ANTXR2: variants seen among roughly 807,000 people sequenced by gnomAD.
ANTXR2 encodes the protein anthrax toxin receptor 2.
ANTXR2 carries 44 observed loss-of-function variants against 73.7 expected under a neutral mutation model. That is an observed-to-expected ratio of 0.60 (90% CI 0.47 to 0.77). The LOEUF is 0.77. ANTXR2 is among the 30% of genes least tolerant of loss of function. The pLI, the probability that ANTXR2 is intolerant of heterozygous loss-of-function variation, is 0.00. For missense variants in ANTXR2, 604 were observed against 592.5 expected (o/e 1.02, Z -0.20); for synonymous variants, 217 against 205.9 (o/e 1.05, Z -0.46).
chr4:80,037,022 G>T (rs963791460), intron 7 of ANTXR2, among the ~76,000 whole-genome samples: 23 of 152,090 alleles, frequency 1.5e-4, no homozygotes, highest in African/African-American at 5.6e-4. Context: ...TTCTTAGCTT[G>T]TTCTGAGAAA....
intron 12 of ANTXR2, among the ~76,000 whole-genome samples, chr4:80,003,361 T>C (rs947675057): frequency 1.6e-5 from 2 of 126,354 alleles, no homozygotes; most frequent in African/African-American, 6.1e-5. Context: ...AATTGAACAA[T>C]GAGAACACAT....
At chr4:79,979,316 G>A (rs1041568100) in intron 14 of ANTXR2, among the ~76,000 whole-genome samples, 1 of 151,974 alleles carries the variant, frequency 6.6e-6, no homozygotes. Context: ...AAAAATGGGC[G>A]AGGTCAGAGG....
chr4:80,064,503 T>C (rs1456023009), intron 3 of ANTXR2, among the ~76,000 whole-genome samples: 1 of 152,150 alleles, frequency 6.6e-6, no homozygotes, highest in Non-Finnish European at 1.5e-5. Context: ...AAATGAGGAC[T>C]CCTGCTTTCA....
intron 10 of ANTXR2, among the ~76,000 whole-genome samples, chr4:80,023,051 C>T (rs1424812888): frequency 2.0e-5 from 3 of 152,254 alleles, no homozygotes; most frequent in Non-Finnish European, 2.9e-5. Flanking sequence ...TATCAAGGTA[C>T]TTTTTAATAA....
chr4:79,928,923 T>C (rs554318023), intron 16 of ANTXR2, among the ~76,000 whole-genome samples: 4 of 152,344 alleles, frequency 2.6e-5, no homozygotes, highest in African/African-American at 9.6e-5. Flanking sequence ...CTCAAAATTA[T>C]ATTTTAGAAA....
intron 16 of ANTXR2, among the ~76,000 whole-genome samples, chr4:79,922,866 A>G (rs1191101758): frequency 6.6e-6 from 1 of 152,126 alleles, no homozygotes; most frequent in African/African-American, 2.4e-5. Flanking sequence ...GCTTTCTAAA[A>G]CAAAAAGAAT....
chr4:80,031,771 C>T, intron 9 of ANTXR2, 79 bp from the exon 10 acceptor site: 1 of 798,248 alleles, frequency 1.3e-6, no homozygotes, highest in Non-Finnish European at 1.8e-6. Flanking sequence ...GAACAGCATG[C>T]TTCAATCAGA....
chr4:80,017,280 C>G (rs370773501), intron 11 of ANTXR2, among the ~76,000 whole-genome samples: 2 of 152,218 alleles, frequency 1.3e-5, no homozygotes, highest in African/African-American at 4.8e-5. Context: ...GCTCTAGCTG[C>G]TCCCTCTGTG....
chr4:79,959,360 TA>T (rs1729059324), intron 16 of ANTXR2, among the ~76,000 whole-genome samples: 1 of 152,114 alleles, frequency 6.6e-6, no homozygotes, highest in African/African-American at 2.4e-5. Context: ...AAATAACAAG[TA>T]AAGATAACAG....
Position 79,960,769 on chromosome 4 carries a change from G to A in ANTXR2, c.1428+16852C>T, listed in dbSNP as rs539452862. Among the ~76,000 whole-genome samples, 181 of 151,608 alleles carry A rather than the reference G, an allele frequency of 1.2e-3. 7 individuals are homozygous for A. In the South Asian group the frequency reaches 0.035, roughly 29 times the overall value. The stretch of plus-strand genomic sequence containing the variant: ...AATTTGATTCAGAGTACAATTAGTG[G>A]AAAATATAAATAAAAATTATATGGA... On this transcript the variant is annotated intron_variant, in intron 16 of 16. Coordinates refer to ENST00000403729, the MANE Select transcript of ANTXR2 (RefSeq NM_058172.6).
intron 7 of ANTXR2, among the ~76,000 whole-genome samples, chr4:80,043,758 C>T (rs1479712703): frequency 2.0e-5 from 3 of 151,978 alleles, no homozygotes; most frequent in African/African-American, 4.8e-5. Context: ...ACTGCCCTGC[C>T]TGCTGGCCTC....
At chr4:79,985,328 C>T (rs1432877641) in intron 12 of ANTXR2, among the ~76,000 whole-genome samples, 2 of 145,198 alleles carry the variant, frequency 1.4e-5, no homozygotes, top group African/African-American at 2.6e-5. Context: ...CCAGCCTGGG[C>T]GACAGAGAGA....
intron 14 of ANTXR2, among the ~76,000 whole-genome samples, chr4:79,979,272 A>G (rs1428082030): frequency 2.0e-5 from 3 of 152,206 alleles, no homozygotes; most frequent in Non-Finnish European, 4.4e-5. Flanking sequence ...AACCAGGAGT[A>G]GTGGAAAGCC....
rs75123979 is a variant in ANTXR2, at chr4:79,982,665, T to C, written c.1179+1213A>G. Among the ~76,000 whole-genome samples the C allele has an allele frequency of 5.8e-4, 89 of 152,226 alleles. No individual in the cohort carries two copies. In the East Asian group the frequency reaches 0.016, roughly 28 times the overall value. ...TCAGTTTCTAGCACACAAAAATACA[T>C]GCAATAACTTCTCCAAAGAACAGCT... On this transcript the variant is annotated intron_variant, in intron 14 of 16. Coordinates refer to ENST00000403729, the MANE Select transcript of ANTXR2 (RefSeq NM_058172.6).
At chr4:80,059,455 C>T (rs916410006) in intron 3 of ANTXR2, among the ~76,000 whole-genome samples, 1 of 151,988 alleles carries the variant, frequency 6.6e-6, no homozygotes. Flanking sequence ...AACCCCTGGA[C>T]TCATGCAACC....
intron 16 of ANTXR2, among the ~76,000 whole-genome samples, chr4:79,935,457 G>T (rs1728225031): frequency 6.6e-6 from 1 of 151,864 alleles, no homozygotes; most frequent in African/African-American, 2.4e-5. Context: ...GTTGGGGCCA[G>T]ACTGTCTAGA....
intron 3 of ANTXR2, among the ~76,000 whole-genome samples, chr4:80,062,976 A>T (rs1734332650): frequency 6.6e-6 from 1 of 152,224 alleles, no homozygotes; most frequent in African/African-American, 2.4e-5. Flanking sequence ...TGCAATCATC[A>T]AAGCAACAGC....
chr4:80,031,060 G>A (rs73829346), intron 10 of ANTXR2, among the ~76,000 whole-genome samples: 14,308 of 151,936 alleles, frequency 0.094, 768 homozygotes, highest in Middle Eastern at 0.23. Flanking sequence ...AGCAGATATC[G>A]TGGTTTTTTG....
chr4:79,907,213 C>T lies in ANTXR2; in HGVS notation c.*216G>A, dbSNP rs1726949582. ...CAATGTCATAAATCATGAGTTACCA[C>T]TGAGTTTCATCACCTCCCATGTAGA... On this transcript the variant is annotated 3_prime_UTR_variant, in exon 17 of 17. Coordinates refer to ENST00000403729, the MANE Select transcript of ANTXR2 (RefSeq NM_058172.6). 1.7e-6 allele frequency: 1 copy of T among 595,218 alleles called. No individual in the cohort carries two copies. Among genetic ancestry groups the T allele is most frequent in the Admixed American group, 3.3e-5 (1 of 30,534 alleles). The allele number at this position is 595,218 out of a possible 1,614,324, so 36.9% of individuals were successfully genotyped here. A position where few individuals can be genotyped will look rare whatever the true frequency, so the allele number is the denominator to read the frequency against.
Sources: gnomAD v4.1 joint callset for allele counts (sites outside exome capture counted in the v4.1 genomes callset) on GRCh38, gnomAD v4.1.1 for gene constraint, MANE v1.5 for transcripts, NCBI Gene and HGNC (gene_info 2026-07-23, HGNC 2026-07-21) for gene names.